SPATS2: variants seen among roughly 807,000 people sequenced by gnomAD.
The protein encoded by SPATS2 is spermatogenesis associated serine rich 2.
SPATS2 carries 38 observed loss-of-function variants against 63.7 expected under a neutral mutation model. The ratio of observed to expected loss-of-function variants is 0.60; its 90% confidence interval spans 0.46 to 0.78. The LOEUF (loss-of-function observed/expected upper bound fraction) is 0.78, where lower values mean the gene tolerates loss of function less well. Among genes scored for constraint, SPATS2 ranks in the 30% least tolerant of loss-of-function variants. The pLI is 0.00. For synonymous variants in SPATS2, 207 were observed against 232.9 expected (o/e 0.89, Z 1.01); for missense variants, 588 against 666.2 (o/e 0.88, Z 1.29).
intron 2 of SPATS2, among the ~76,000 whole-genome samples, chr12:49,451,320 AG>A (rs1951373543): frequency 6.6e-6 from 1 of 151,580 alleles, no homozygotes. Flanking sequence ...TTGTTTTCTT[AG>A]TACTTGTCTG....
Position 49,490,695 on chromosome 12 carries a change from A to C in SPATS2, c.228A>C (p.Glu76Asp), listed in dbSNP as rs999680228. 8 of 1,613,926 alleles carry C rather than the reference A, an allele frequency of 5.0e-6. No individual in the cohort carries two copies. In the African/African-American group the frequency reaches 9.3e-5, roughly 19 times the overall value. The change falls in exon 6 of 14, where the codon GAA becomes GAC. Residue 76 changes from glutamate (E) to aspartate (D), a missense_variant. By Grantham distance (45) the Glu-to-Asp change is conservative. Transcript: ENST00000552918. Reference sequence around the variant, plus strand: ...TTTCTCTTACAGGTAGTGCCAGTGAAGTACTCAAAGAATGGACAGTAACAG... The same window carrying C: ...TTTCTCTTACAGGTAGTGCCAGTGACGTACTCAAAGAATGGACAGTAACAG... ...VQAFMEGSAS[E>D]VLKEWTVTGK...
intron 2 of SPATS2, among the ~76,000 whole-genome samples, chr12:49,423,408 G>A (rs1003902839): frequency 5.9e-5 from 9 of 152,160 alleles, no homozygotes; most frequent in Non-Finnish European, 8.8e-5. Flanking sequence ...CTAGGATTAC[G>A]GGCGTGAGCC....
intron 9 of SPATS2, among the ~76,000 whole-genome samples, chr12:49,503,200 A>C (rs1946594716): frequency 6.6e-6 from 1 of 152,006 alleles, no homozygotes; most frequent in East Asian, 1.9e-4. Flanking sequence ...ACATTCAAAA[A>C]TTAGCCGGGC....
chr12:49,519,153 C>G lies in SPATS2; in HGVS notation c.979C>G (p.Gln327Glu). The G allele has an allele frequency of 6.2e-7, 1 of 1,613,942 alleles. No homozygotes were observed. Among genetic ancestry groups the G allele is most frequent in the South Asian group, 1.1e-5 (1 of 91,050 alleles). Residue 327 changes from glutamine (Q) to glutamate (E), a missense_variant, in exon 11 of 14, where the codon CAA becomes GAA. Coordinates refer to ENST00000552918, the MANE Select transcript of SPATS2 (RefSeq NM_023071.4). ...TGTGGCTGTTCAAATGTCAGAGCAGCAATTGGTTGAGCTCAGAGCTGATAT... is the reference window on the plus strand; with the variant it reads ...TGTGGCTGTTCAAATGTCAGAGCAGGAATTGGTTGAGCTCAGAGCTGATAT... ...THVAVQMSEQ[Q>E]LVELRADIKH...
chr12:49,373,905 C>T (rs530929189), intron 2 of SPATS2, among the ~76,000 whole-genome samples: 13 of 151,886 alleles, frequency 8.6e-5, no homozygotes, highest in African/African-American at 3.1e-4. Flanking sequence ...GGCGACACTG[C>T]GAGATTCCAA....
intron 2 of SPATS2, among the ~76,000 whole-genome samples, chr12:49,426,131 T>C (rs1357328820): frequency 6.6e-6 from 1 of 152,202 alleles, no homozygotes; most frequent in Non-Finnish European, 1.5e-5. Context: ...CTAAGGGTAA[T>C]GGATAGCATC....
At chr12:49,466,325 G>C (rs1387352683) in intron 3 of SPATS2, among the ~76,000 whole-genome samples, 1 of 151,844 alleles carries the variant, frequency 6.6e-6, no homozygotes, top group Non-Finnish European at 1.5e-5. Flanking sequence ...ACCACGCCCG[G>C]CTAATTTTTG....
chr12:49,473,425 A>G (rs968403523), intron 3 of SPATS2, among the ~76,000 whole-genome samples: 2 of 152,150 alleles, frequency 1.3e-5, no homozygotes, highest in African/African-American at 4.8e-5. Flanking sequence ...ACACACACAT[A>G]CACACAAAAA....
chr12:49,417,343 A>G (rs1944905954), intron 2 of SPATS2, among the ~76,000 whole-genome samples: 1 of 152,250 alleles, frequency 6.6e-6, no homozygotes, highest in Non-Finnish European at 1.5e-5. Context: ...TAGTTTAGCT[A>G]GCTTTCTTAA....
chr12:49,524,922 G>A (rs1182905898), intron 13 of SPATS2, 26 bp downstream of exon 13: 1 of 1,606,890 alleles, frequency 6.2e-7, no homozygotes, highest in South Asian at 1.1e-5. Flanking sequence ...CACTGAGCAT[G>A]TTAGGAAGAA....
intron 2 of SPATS2, among the ~76,000 whole-genome samples, chr12:49,459,578 C>G (rs939310211): frequency 4.0e-5 from 6 of 151,744 alleles, no homozygotes; most frequent in Non-Finnish European, 7.4e-5. Context: ...GAACTCCCAA[C>G]CTCAGGTGAT....
intron 2 of SPATS2, among the ~76,000 whole-genome samples, chr12:49,372,838 T>C (rs1944021753): frequency 1.3e-5 from 2 of 152,192 alleles, no homozygotes; most frequent in Non-Finnish European, 2.9e-5. Flanking sequence ...TCCCTCCTTG[T>C]ACAGTATGCA....
chr12:49,379,623 A>AT (rs529791925), intron 2 of SPATS2, among the ~76,000 whole-genome samples: 3,020 of 129,488 alleles, frequency 0.023, 111 homozygotes, highest in African/African-American at 0.059. Flanking sequence ...ATCTAGTTCA[A>AT]TTTTTTTTTT....
chr12:49,374,759 A>G (rs2137150932), intron 2 of SPATS2, among the ~76,000 whole-genome samples: 1 of 152,152 alleles, frequency 6.6e-6, no homozygotes, highest in East Asian at 1.9e-4. Flanking sequence ...TCAGGAGTTC[A>G]AGAGCGGTCT....
intron 2 of SPATS2, among the ~76,000 whole-genome samples, chr12:49,413,811 A>C (rs1054394718): frequency 6.6e-6 from 1 of 152,062 alleles, no homozygotes; most frequent in Non-Finnish European, 1.5e-5. Context: ...CCCCATTCCC[A>C]GCCTACCCAG....
intron 3 of SPATS2, among the ~76,000 whole-genome samples, chr12:49,464,219 T>C (rs1329269975): frequency 6.7e-6 from 1 of 149,836 alleles, no homozygotes; most frequent in East Asian, 1.9e-4. Context: ...TAAAACACTT[T>C]CCGACTGGGT....
intron 8 of SPATS2, among the ~76,000 whole-genome samples, chr12:49,497,291 T>A (rs1022824898): frequency 6.6e-6 from 1 of 152,196 alleles, no homozygotes; most frequent in Non-Finnish European, 1.5e-5. Flanking sequence ...AACATTAACC[T>A]GTTTCTTTAT....
At chr12:49,406,279 G>T (rs1340862316) in intron 2 of SPATS2, among the ~76,000 whole-genome samples, 3 of 149,866 alleles carry the variant, frequency 2.0e-5, no homozygotes, top group Non-Finnish European at 4.5e-5. Context: ...TCTAGTTTTT[G>T]TAAACTTTTT....
In SPATS2 at chr12:49,524,904, A is replaced by ATTT. The variant is rs776408584; in HGVS notation, c.1326+8_1326+9insTTT. ...TACCAGCCACTTCGGGAGGTAACCT[A>ATTT]GCTTCTACACTGAGCATGTTAGGAA... is the stretch of plus-strand genomic sequence containing the variant. On this transcript the variant is annotated intron_variant, in intron 13 of 13. Transcript: ENST00000552918. 6.2e-7 allele frequency: 1 copy of ATTT among 1,612,554 alleles called. No homozygotes were observed. The highest frequency in any genetic ancestry group is 1.1e-5 in the South Asian group (1 of 91,010).
Sources: gnomAD v4.1 joint callset for allele counts (sites outside exome capture counted in the v4.1 genomes callset) on GRCh38, gnomAD v4.1.1 for gene constraint, MANE v1.5 for transcripts, NCBI Gene and HGNC (gene_info 2026-07-23, HGNC 2026-07-21) for gene names.